Variants in GABBR2 observed in about 807,000 individuals in gnomAD.
The protein encoded by GABBR2 is gamma-aminobutyric acid type B receptor subunit 2.
Under a neutral mutation model 105.6 loss-of-function variants are expected in GABBR2, and 23 were observed. That is an observed-to-expected ratio of 0.22 (90% CI 0.16 to 0.31). The LOEUF (loss-of-function observed/expected upper bound fraction) is 0.31, where lower values mean the gene tolerates loss of function less well. GABBR2 is among the 10% of genes least tolerant of loss of function. The pLI is 1.00. For missense variants in GABBR2, 734 were observed against 1,245.5 expected, an observed-to-expected ratio of 0.59 and a Z score of 6.18; for synonymous variants, 478 against 499.7, an observed-to-expected ratio of 0.96 and a Z score of 0.58.
At chr9:98,490,336 A>C (rs929511485) in intron 4 of GABBR2, among the ~76,000 whole-genome samples, 2 of 152,138 alleles carry the variant, frequency 1.3e-5, no homozygotes, top group African/African-American at 4.8e-5. Context: ...ACTGCTGATG[A>C]TTTCTGTAAA....
At chr9:98,383,121 A>G (rs1052564327) in intron 11 of GABBR2, among the ~76,000 whole-genome samples, 1 of 151,954 alleles carries the variant, frequency 6.6e-6, no homozygotes, top group Non-Finnish European at 1.5e-5. Flanking sequence ...TTGTATTTTT[A>G]GTAGAGATGG....
chr9:98,648,319 G>A (rs1830059474), intron 1 of GABBR2, among the ~76,000 whole-genome samples: 1 of 152,038 alleles, frequency 6.6e-6, no homozygotes, highest in East Asian at 1.9e-4. Flanking sequence ...TTTTAGTAGA[G>A]ATGGGGTTTC....
intron 1 of GABBR2, among the ~76,000 whole-genome samples, chr9:98,648,124 G>GTGTGTGTGT (rs1564140825): frequency 1.1e-3 from 67 of 58,876 alleles, no homozygotes; most frequent in Non-Finnish European, 1.8e-3. Context: ...TGTATAGATA[G>GTGTGTGTGT]ATAGATAGAT....
chr9:98,444,624 GATTATT>G (rs955607140), intron 7 of GABBR2, among the ~76,000 whole-genome samples: 1 of 152,056 alleles, frequency 6.6e-6, no homozygotes, highest in Non-Finnish European at 1.5e-5. Flanking sequence ...ACACAGCAAG[GATTATT>G]ATTATTATAG....
chr9:98,367,453 G>C (rs1203665579), intron 12 of GABBR2, among the ~76,000 whole-genome samples: 1 of 152,040 alleles, frequency 6.6e-6, no homozygotes, highest in African/African-American at 2.4e-5. Context: ...AATCGTGGTG[G>C]GCATGGCTGT....
intron 1 of GABBR2, among the ~76,000 whole-genome samples, chr9:98,625,138 A>G (rs1034331227): frequency 6.6e-6 from 1 of 152,216 alleles, no homozygotes; most frequent in African/African-American, 2.4e-5. Flanking sequence ...AGGCTGCAGC[A>G]GAGGGCCCCA....
Position 98,293,811 on chromosome 9 carries a change from A to G in GABBR2, c.2634T>C (p.Pro878=). Reference sequence around the variant, plus strand: ...GTTCTGGAGAGTTTATATCTTCTATAGGATCTTTGCATGTTCGAGAGGGCT... The same window carrying G: ...GTTCTGGAGAGTTTATATCTTCTATGGGATCTTTGCATGTTCGAGAGGGCT... ...TTEPSRTCKD[P]IEDINSPEHI... Residue 878 remains proline (P), a synonymous_variant, in exon 18 of 19, where the codon CCT becomes CCC. Coordinates refer to ENST00000259455, the MANE Select transcript of GABBR2 (RefSeq NM_005458.8). The G allele has an allele frequency of 6.3e-7, 1 of 1,594,172 alleles. No individual in the cohort carries two copies. The highest frequency in any genetic ancestry group is 8.6e-7 in the Non-Finnish European group (1 of 1,162,366).
intron 7 of GABBR2, among the ~76,000 whole-genome samples, chr9:98,425,376 G>A (rs1383438719): frequency 1.3e-5 from 2 of 152,148 alleles, no homozygotes; most frequent in East Asian, 3.9e-4. Context: ...TTACCTTAAG[G>A]GCAGGGGAAA....
At chr9:98,370,139 G>A (rs1381998421) in intron 12 of GABBR2, among the ~76,000 whole-genome samples, 1 of 152,098 alleles carries the variant, frequency 6.6e-6, no homozygotes, top group Non-Finnish European at 1.5e-5. Context: ...TAGGTGCAAA[G>A]GATGAAGGAA....
chr9:98,303,428 A>G lies in GABBR2; in HGVS notation c.2230-5T>C, dbSNP rs1830501131. ...GTTTGTTCTCAGGGTGATGAGCTGA[A>G]AGGACAAAGGTTGGGGCGGGGTTGA... On this transcript the variant is annotated splice_polypyrimidine_tract_variant and splice_region_variant and intron_variant, in intron 15 of 18. Coordinates refer to ENST00000259455, the MANE Select transcript of GABBR2 (RefSeq NM_005458.8). 4 of 1,613,468 alleles carry G rather than the reference A, an allele frequency of 2.5e-6. No homozygotes were observed. The highest frequency in any genetic ancestry group is 3.4e-6 in the Non-Finnish European group (4 of 1,179,638).
intron 17 of GABBR2, among the ~76,000 whole-genome samples, chr9:98,296,630 A>T (rs1830387335): frequency 6.6e-6 from 1 of 152,228 alleles, no homozygotes; most frequent in African/African-American, 2.4e-5. Context: ...TTTAATAAGG[A>T]ATGAGATTGA....
chr9:98,410,690 C>G (rs1315542907), intron 7 of GABBR2, among the ~76,000 whole-genome samples: 1 of 151,730 alleles, frequency 6.6e-6, no homozygotes, highest in Non-Finnish European at 1.5e-5. Flanking sequence ...GCAGCAGGAG[C>G]CTCGGAGGCC....
At chr9:98,601,942 C>T (rs889324432) in intron 1 of GABBR2, among the ~76,000 whole-genome samples, 1 of 152,188 alleles carries the variant, frequency 6.6e-6, no homozygotes, top group Non-Finnish European at 1.5e-5. Context: ...ACAGGGAAGA[C>T]CCTTAGCTGA....
chr9:98,316,174 AGAGTTTC>A (rs1356806868), intron 13 of GABBR2, among the ~76,000 whole-genome samples: 1 of 151,010 alleles, frequency 6.6e-6, no homozygotes, highest in African/African-American at 2.4e-5. Flanking sequence ...TTTTCGAGAC[AGAGTTTC>A]ACTCTTGTTG....
At chr9:98,664,034 C>A (rs1830302592) in intron 1 of GABBR2, among the ~76,000 whole-genome samples, 1 of 152,152 alleles carries the variant, frequency 6.6e-6, no homozygotes, top group Non-Finnish European at 1.5e-5. Context: ...ACTAGGTCCA[C>A]AGACCCACCC....
chr9:98,607,825 C>G, intron 1 of GABBR2: 2 of 943,632 alleles, frequency 2.1e-6, no homozygotes, highest in Admixed American at 1.9e-5. Flanking sequence ...GACCAAGAGC[C>G]CTCCGGCACA....
intron 11 of GABBR2, among the ~76,000 whole-genome samples, chr9:98,380,679 A>T (rs1831957368): frequency 6.6e-6 from 1 of 152,240 alleles, no homozygotes; most frequent in African/African-American, 2.4e-5. Context: ...AGAAACCGGC[A>T]CTGACAGTCT....
intron 1 of GABBR2, among the ~76,000 whole-genome samples, chr9:98,683,931 C>T (rs1830584180): frequency 1.4e-5 from 2 of 143,194 alleles, no homozygotes; most frequent in African/African-American, 5.2e-5. Flanking sequence ...TGACATGAAC[C>T]CAGGAGGCGG....
chr9:98,644,558 T>G (rs1428065007), intron 1 of GABBR2, among the ~76,000 whole-genome samples: 1 of 152,186 alleles, frequency 6.6e-6, no homozygotes, highest in African/African-American at 2.4e-5. Flanking sequence ...ATACTGGGAA[T>G]GGGCTGGGCG....
Sources: gnomAD v4.1 joint callset for allele counts (sites outside exome capture counted in the v4.1 genomes callset) on GRCh38, gnomAD v4.1.1 for gene constraint, MANE v1.5 for transcripts, NCBI Gene and HGNC (gene_info 2026-07-23, HGNC 2026-07-21) for gene names.